Variants in GRIN2B observed in about 807,000 individuals in gnomAD.
The protein encoded by GRIN2B is glutamate ionotropic receptor NMDA type subunit 2B, also known as glutamate receptor ionotropic, NMDA 2B.
In GRIN2B, 5 loss-of-function variants were observed where a neutral mutation model predicts 114.5. The ratio of observed to expected loss-of-function variants is 0.04; its 90% confidence interval spans 0.02 to 0.09. The LOEUF (loss-of-function observed/expected upper bound fraction) is 0.09, where lower values mean the gene tolerates loss of function less well. Ranked by LOEUF, GRIN2B falls within the 10% of genes least tolerant of loss-of-function variation. The pLI, the probability that GRIN2B is intolerant of heterozygous loss-of-function variation, is 1.00. For synonymous variants in GRIN2B, 787 were observed against 745.1 expected, an observed-to-expected ratio of 1.06 and a Z score of -0.92; for missense variants, 1,108 against 1,943.5, an observed-to-expected ratio of 0.57 and a Z score of 8.08.
At chr12:13,576,367 A>G (rs1204556697) in intron 10 of GRIN2B, among the ~76,000 whole-genome samples, 1 of 152,096 alleles carries the variant, frequency 6.6e-6, no homozygotes, top group African/African-American at 2.4e-5. Context: ...AACGAGAAAA[A>G]TTTAGCGCTG....
At chr12:13,610,865 A>G (rs1292284081) in intron 9 of GRIN2B, among the ~76,000 whole-genome samples, 1 of 152,224 alleles carries the variant, frequency 6.6e-6, no homozygotes, top group Non-Finnish European at 1.5e-5. Flanking sequence ...TGTGTCTTTT[A>G]GATGCCCCAT....
In GRIN2B at chr12:13,549,210, G is replaced by C. The variant is rs556301137; in HGVS notation, c.*13573C>G. On this transcript the variant is annotated 3_prime_UTR_variant, in exon 14 of 14. Coordinates refer to ENST00000609686, the MANE Select transcript of GRIN2B (RefSeq NM_000834.5). Reference sequence around the variant, plus strand: ...AGAGAAGGTTGTTGCAAGATTCTCTGATCTGCGGGTGCTTAATAAATAATT... The same window carrying C: ...AGAGAAGGTTGTTGCAAGATTCTCTCATCTGCGGGTGCTTAATAAATAATT... The C allele has an allele frequency of 3.3e-5, 5 of 152,146 alleles. No homozygotes were observed. Among genetic ancestry groups the C allele is most frequent in the Non-Finnish European group, 7.4e-5 (5 of 68,024 alleles). The allele number at this position is 152,146 out of a possible 1,614,324, so 9.4% of individuals were successfully genotyped here. A position where few individuals can be genotyped will look rare whatever the true frequency, so the allele number is the denominator to read the frequency against.
intron 4 of GRIN2B, among the ~76,000 whole-genome samples, chr12:13,738,470 C>A (rs1347058474): frequency 6.6e-6 from 1 of 152,136 alleles, no homozygotes; most frequent in Non-Finnish European, 1.5e-5. Context: ...AAACTCATCC[C>A]TCTGCATAAA....
intron 2 of GRIN2B, among the ~76,000 whole-genome samples, chr12:13,887,557 T>C (rs1361616298): frequency 6.6e-6 from 1 of 152,146 alleles, no homozygotes; most frequent in Admixed American, 6.5e-5. Context: ...GAAAAATAAA[T>C]AAATAAAAAG....
At chr12:13,638,921 T>G (rs1305389108) in intron 5 of GRIN2B, among the ~76,000 whole-genome samples, 1 of 151,948 alleles carries the variant, frequency 6.6e-6, no homozygotes, top group African/African-American at 2.4e-5. Context: ...CAACCCATGG[T>G]GAAGATGAGC....
intron 3 of GRIN2B, among the ~76,000 whole-genome samples, chr12:13,767,614 A>G (rs1218807662): frequency 1.3e-5 from 2 of 152,220 alleles, no homozygotes; most frequent in Non-Finnish European, 2.9e-5. Flanking sequence ...GTGCAAATAG[A>G]GTAAGGCACA....
intron 3 of GRIN2B, among the ~76,000 whole-genome samples, chr12:13,860,728 C>T (rs768719348): frequency 2.0e-5 from 3 of 152,172 alleles, no homozygotes; most frequent in East Asian, 1.9e-4. Flanking sequence ...ATGTGATGCA[C>T]GTTTTAGCTA....
chr12:13,789,058 A>G (rs1864269569), intron 3 of GRIN2B, among the ~76,000 whole-genome samples: 1 of 138,136 alleles, frequency 7.2e-6, no homozygotes, highest in Admixed American at 7.4e-5. Flanking sequence ...AAGGCTTCTT[A>G]AAGAGTCCTG....
chr12:13,931,025 C>T (rs1867020122), intron 2 of GRIN2B, among the ~76,000 whole-genome samples: 2 of 152,262 alleles, frequency 1.3e-5, no homozygotes, highest in South Asian at 4.2e-4. Context: ...AAAATGTTTT[C>T]CTGGTATGTT....
intron 4 of GRIN2B, among the ~76,000 whole-genome samples, chr12:13,701,513 C>A (rs1431457955): frequency 3.7e-4 from 49 of 130,726 alleles, no homozygotes; most frequent in African/African-American, 5.7e-4. Flanking sequence ...TTCAGTGGCA[C>A]AAAAAAAAAA....
chr12:13,825,119 GTTGTT>G (rs1215891028), intron 3 of GRIN2B, among the ~76,000 whole-genome samples: 4 of 151,882 alleles, frequency 2.6e-5, no homozygotes, highest in African/African-American at 9.7e-5. Context: ...TTACTATGTT[GTTGTT>G]TTATTTTAAT....
intron 3 of GRIN2B, among the ~76,000 whole-genome samples, chr12:13,843,135 T>C (rs1865412534): frequency 6.7e-6 from 1 of 149,382 alleles, no homozygotes; most frequent in African/African-American, 2.4e-5. Context: ...AAACACTGCT[T>C]TTTAAAAACA....
rs1591774588 is a variant in GRIN2B, at chr12:13,866,150, G to A, written c.59C>T (p.Ala20Val). 1.2e-6 allele frequency: 2 copies of A among 1,612,990 alleles called. No individual in the cohort carries two copies. Among genetic ancestry groups the A allele is most frequent in the Non-Finnish European group, 1.7e-6 (2 of 1,179,956 alleles). Residue 20 changes from alanine to valine, a missense_variant, in exon 3 of 14, where the codon GCC becomes GTC. Transcript: ENST00000609686. ...PKFWLVLAVLAVSGSRARSQK... is the reference protein window; with the variant it reads ...PKFWLVLAVLVVSGSRARSQK... Reference sequence around the variant, plus strand: ...AGAACGAGCTCTGCTGCCTGACACGGCCAGGACGGCCAACACCAACCAGAA... The same window carrying A: ...AGAACGAGCTCTGCTGCCTGACACGACCAGGACGGCCAACACCAACCAGAA...
At chr12:13,910,935 T>G (rs1866618212) in intron 2 of GRIN2B, among the ~76,000 whole-genome samples, 1 of 152,128 alleles carries the variant, frequency 6.6e-6, no homozygotes, top group Non-Finnish European at 1.5e-5. Flanking sequence ...CACTGATGGG[T>G]GTCTGGAATA....
intron 3 of GRIN2B, among the ~76,000 whole-genome samples, chr12:13,786,542 G>A (rs550008119): frequency 1.6e-4 from 24 of 152,158 alleles, no homozygotes; most frequent in Admixed American, 4.6e-4. Flanking sequence ...GAGTCCTGGC[G>A]GACACACTTA....
At chr12:13,681,357 T>C (rs76912408) in intron 4 of GRIN2B, among the ~76,000 whole-genome samples, 20,746 of 152,212 alleles carry the variant, frequency 0.14, 1,815 homozygotes, top group Middle Eastern at 0.2. Flanking sequence ...TCCTAACCCC[T>C]AGTCCGGTGT....
At chr12:13,808,846 T>A (rs902958038) in intron 3 of GRIN2B, among the ~76,000 whole-genome samples, 1 of 151,222 alleles carries the variant, frequency 6.6e-6, no homozygotes. Flanking sequence ...CATGAGCCAA[T>A]AGATAAAGCA....
chr12:13,743,955 A>G (rs897867454), intron 4 of GRIN2B, among the ~76,000 whole-genome samples: 5 of 152,188 alleles, frequency 3.3e-5, no homozygotes, highest in African/African-American at 1.2e-4. Flanking sequence ...TGAATACCAT[A>G]TTGTCACAGG....
intron 3 of GRIN2B, among the ~76,000 whole-genome samples, chr12:13,772,211 G>T (rs948099178): frequency 2.6e-5 from 4 of 152,164 alleles, no homozygotes; most frequent in Non-Finnish European, 4.4e-5. Context: ...GGGAGGTTTG[G>T]TTTGTGCCAC....
Sources: gnomAD v4.1 joint callset for allele counts (sites outside exome capture counted in the v4.1 genomes callset) on GRCh38, gnomAD v4.1.1 for gene constraint, MANE v1.5 for transcripts, NCBI Gene and HGNC (gene_info 2026-07-23, HGNC 2026-07-21) for gene names.